Variants in NTM observed in about 807,000 individuals in gnomAD.
The protein encoded by NTM is neurotrimin, also known as IgLON family member 2.
A neutral mutation model predicts 42.1 loss-of-function variants in NTM; 13 were observed. That is an observed-to-expected ratio of 0.31 (90% CI 0.20 to 0.49). NTM has a LOEUF of 0.49. NTM is among the 20% of genes least tolerant of loss of function. The probability of loss-of-function intolerance (pLI) is 0.99; values close to 1 mark genes in which losing one functional copy is unlikely to be tolerated. For synonymous variants in NTM, 187 were observed against 179.2 expected, an observed-to-expected ratio of 1.04 and a Z score of -0.35; for missense variants, 373 against 452.8, an observed-to-expected ratio of 0.82 and a Z score of 1.60.
chr11:131,772,828 A>T (rs773661214), intron 1 of NTM, among the ~76,000 whole-genome samples: 15 of 152,230 alleles, frequency 9.9e-5, no homozygotes, highest in Non-Finnish European at 2.1e-4. Flanking sequence ...ACCAAATGCA[A>T]GAGGATGAGA....
intron 1 of NTM, among the ~76,000 whole-genome samples, chr11:131,462,773 G>A (rs374731909): frequency 1.7e-4 from 25 of 143,862 alleles, no homozygotes; most frequent in South Asian, 4.4e-4. Context: ...TCCCTAGAGC[G>A]GGCCCACCTA....
In NTM at chr11:131,413,925, C is replaced by T. The variant is rs143939107; in HGVS notation, c.82+43037C>T. 7.9e-3 allele frequency among the ~76,000 whole-genome samples: 1,195 copies of T among 152,116 alleles called. 11 individuals are homozygous for T. Among genetic ancestry groups the T allele is most frequent in the Non-Finnish European group, 9.3e-3 (632 of 68,014 alleles). On this transcript the variant is annotated intron_variant, in intron 1 of 8. Coordinates refer to ENST00000683400, the MANE Select transcript of NTM (RefSeq NM_001352005.2). ...ACCATGAGGACAAGGCCTCCTGTGG[C>T]GAAAGGCAGAGGGAAGGTGCAGGGA...
rs147989134 is a variant in NTM, at chr11:132,232,409, G to A, written c.526+20262G>A. The stretch of plus-strand genomic sequence containing the variant: ...GCACACTGCTGGGACAGGACGAGTC[G>A]CCCACCTGTCGCTGCTGCAGCTGGC... On this transcript the variant is annotated intron_variant, in intron 4 of 8. Transcript: ENST00000683400. Among the ~76,000 whole-genome samples, 891 of 152,294 alleles carry A rather than the reference G, an allele frequency of 5.9e-3. 3 individuals carry two copies. The highest frequency in any genetic ancestry group is 0.022 in the South Asian group (105 of 4,820).
intron 1 of NTM, among the ~76,000 whole-genome samples, chr11:131,652,850 G>T (rs541839068): frequency 3.5e-4 from 54 of 152,364 alleles, no homozygotes; most frequent in African/African-American, 1.3e-3. Context: ...CAGGAAGTAC[G>T]CCCTGGCACA....
At chr11:132,058,990 C>T (rs939782759) in intron 2 of NTM, among the ~76,000 whole-genome samples, 3 of 152,180 alleles carry the variant, frequency 2.0e-5, no homozygotes, top group Admixed American at 6.5e-5. Context: ...TGGTATCAAG[C>T]GTGCAAACTC....
intron 1 of NTM, among the ~76,000 whole-genome samples, chr11:131,637,982 G>A (rs1194189055): frequency 1.3e-5 from 2 of 152,042 alleles, no homozygotes; most frequent in African/African-American, 4.8e-5. Flanking sequence ...ATCCTCCATA[G>A]CCCCATGTCC....
At chr11:131,699,501 C>T (rs1453388012) in intron 1 of NTM, among the ~76,000 whole-genome samples, 1 of 152,174 alleles carries the variant, frequency 6.6e-6, no homozygotes, top group Non-Finnish European at 1.5e-5. Context: ...TCATATAGAG[C>T]CTGAGAAATC....
chr11:131,706,500 A>C (rs754004442), intron 1 of NTM, among the ~76,000 whole-genome samples: 17 of 152,044 alleles, frequency 1.1e-4, no homozygotes, highest in Admixed American at 2.0e-4. Context: ...CCTAAAAAAC[A>C]TAAAGAACAT....
intron 1 of NTM, among the ~76,000 whole-genome samples, chr11:131,567,118 G>A (rs1452856765): frequency 1.3e-5 from 2 of 152,066 alleles, no homozygotes; most frequent in African/African-American, 4.8e-5. Context: ...TAAGGAACAT[G>A]TCTTTTCCTC....
At chr11:131,932,883 A>G (rs2058785483) in intron 2 of NTM, among the ~76,000 whole-genome samples, 1 of 152,164 alleles carries the variant, frequency 6.6e-6, no homozygotes, top group Admixed American at 6.5e-5. Flanking sequence ...ACTGCCCGGG[A>G]CACACAAAGC....
chr11:131,634,250 C>T lies in NTM; in HGVS notation c.82+263362C>T, dbSNP rs966818786. On this transcript the variant is annotated intron_variant, in intron 1 of 8. Transcript: ENST00000683400. ...GTTTTGCAACATAGATTCTTAATCA[C>T]GGAGGCATCTATGATTGAATGCGTC... Among the ~76,000 whole-genome samples, 12 of 152,106 alleles carry T rather than the reference C, an allele frequency of 7.9e-5. No homozygotes were observed. In the East Asian group the frequency reaches 9.6e-4, roughly 12 times the overall value.
chr11:131,530,911 G>A (rs1205359850), intron 1 of NTM, among the ~76,000 whole-genome samples: 4 of 152,238 alleles, frequency 2.6e-5, no homozygotes, highest in Non-Finnish European at 4.4e-5. Context: ...TGCTAGAGGT[G>A]GGAGAGAAGG....
intron 4 of NTM, among the ~76,000 whole-genome samples, chr11:132,230,582 C>A (rs2139026910): frequency 6.6e-6 from 1 of 152,380 alleles, no homozygotes. Context: ...ACTCTCCAAG[C>A]AGCCGCGCCT....
chr11:132,012,146 G>A (rs1270464948), intron 2 of NTM, among the ~76,000 whole-genome samples: 1 of 152,084 alleles, frequency 6.6e-6, no homozygotes, highest in Non-Finnish European at 1.5e-5. Flanking sequence ...AAACCTATGT[G>A]GTGGATAGGG....
chr11:132,315,677 G>A (rs1376145248), intron 7 of NTM, among the ~76,000 whole-genome samples: 1 of 152,140 alleles, frequency 6.6e-6, no homozygotes, highest in Non-Finnish European at 1.5e-5. Flanking sequence ...TGTGCCCTCG[G>A]TGCTAGCGTA....
intron 1 of NTM, among the ~76,000 whole-genome samples, chr11:131,527,855 G>A (rs1323789102): frequency 6.6e-6 from 1 of 151,160 alleles, no homozygotes; most frequent in Non-Finnish European, 1.5e-5. Flanking sequence ...GGTAGATTTG[G>A]AAAGCGATAA....
intron 3 of NTM, among the ~76,000 whole-genome samples, chr11:132,187,900 C>G (rs2078679094): frequency 1.3e-5 from 2 of 152,138 alleles, no homozygotes; most frequent in Admixed American, 6.5e-5. Flanking sequence ...GGAGAAACTT[C>G]CAAAGAATTG....
intron 1 of NTM, among the ~76,000 whole-genome samples, chr11:131,673,062 G>C (rs1001637933): frequency 3.9e-5 from 6 of 152,172 alleles, no homozygotes; most frequent in African/African-American, 1.4e-4. Context: ...GGTGGGGAGT[G>C]ACCTCGTTCC....
chr11:132,334,192 G>A (rs1330107690), intron 8 of NTM, among the ~76,000 whole-genome samples: 3 of 152,250 alleles, frequency 2.0e-5, no homozygotes, highest in East Asian at 1.9e-4. Flanking sequence ...CACAAGGGCC[G>A]AGGTAGCCAG....
Sources: gnomAD v4.1 joint callset for allele counts (sites outside exome capture counted in the v4.1 genomes callset) on GRCh38, gnomAD v4.1.1 for gene constraint, MANE v1.5 for transcripts, NCBI Gene and HGNC (gene_info 2026-07-23, HGNC 2026-07-21) for gene names.